The following GPR176 variants were observed in gnomAD, a reference collection of about 807,000 sequenced individuals.
GPR176 encodes the protein G-protein coupled receptor 176.
A neutral mutation model predicts 35.4 loss-of-function variants in GPR176; 26 were observed. The observed-to-expected ratio is 0.74, with a 90% CI of 0.54 to 1.02. The LOEUF is 1.02. Ranked by LOEUF, GPR176 falls within the 50% of genes least tolerant of loss-of-function variation. The probability of loss-of-function intolerance (pLI) is 0.00; values close to 1 mark genes in which losing one functional copy is unlikely to be tolerated. For missense variants in GPR176, 597 were observed against 665.3 expected (o/e 0.90, Z 1.13); for synonymous variants, 278 against 271.3 (o/e 1.02, Z -0.24).
chr15:39,821,382 T>C (rs1247579505), intron 1 of GPR176, among the ~76,000 whole-genome samples: 1 of 152,224 alleles, frequency 6.6e-6, no homozygotes, highest in East Asian at 1.9e-4. Flanking sequence ...TGACTCAATG[T>C]GGATGAAGCA....
At chr15:39,841,446 A>G (rs1595469882) in intron 1 of GPR176, among the ~76,000 whole-genome samples, 1 of 152,154 alleles carries the variant, frequency 6.6e-6, no homozygotes, top group East Asian at 1.9e-4. Context: ...CTAATCCAAT[A>G]TGACTGGTGT....
At chr15:39,913,981 C>G (rs2412450) in intron 1 of GPR176, among the ~76,000 whole-genome samples, 15,958 of 151,922 alleles carry the variant, frequency 0.11, 1,215 homozygotes, top group Admixed American at 0.24. Context: ...GGGAGGCGGA[C>G]CTCGCAGTGA....
chr15:39,842,141 G>A (rs140482865), intron 1 of GPR176, among the ~76,000 whole-genome samples: 57 of 152,242 alleles, frequency 3.7e-4, no homozygotes, highest in Middle Eastern at 3.4e-3. Flanking sequence ...CTGAGACTGG[G>A]TAATTTATAA....
chr15:39,815,372 C>G (rs757005547), intron 1 of GPR176: 2 of 152,264 alleles, frequency 1.3e-5, no homozygotes, highest in Non-Finnish European at 2.9e-5. Flanking sequence ...AGAATCACAT[C>G]AGATTGTCTC....
At chr15:39,842,044 G>A (rs776545423) in intron 1 of GPR176, among the ~76,000 whole-genome samples, 4 of 152,062 alleles carry the variant, frequency 2.6e-5, no homozygotes, top group Non-Finnish European at 5.9e-5. Flanking sequence ...TAGTCTGAAC[G>A]TCTGTGTCCC....
At chr15:39,825,898 C>T (rs1007283730) in intron 1 of GPR176, among the ~76,000 whole-genome samples, 1 of 152,148 alleles carries the variant, frequency 6.6e-6, no homozygotes, top group Non-Finnish European at 1.5e-5. Flanking sequence ...TTTCCAAATG[C>T]ATTACTATAA....
intron 1 of GPR176, among the ~76,000 whole-genome samples, chr15:39,893,731 G>T (rs1247481186): frequency 6.7e-6 from 1 of 148,954 alleles, no homozygotes; most frequent in African/African-American, 2.4e-5. Flanking sequence ...CCGGGCGGGG[G>T]GCTGACCCCC....
At position 39,824,457 on chromosome 15, in the gene GPR176, C is replaced by T. The variant is rs1900491363; in HGVS notation, c.173-17199G>A. Among the ~76,000 whole-genome samples, 5 of 152,356 alleles carry T rather than the reference C, an allele frequency of 3.3e-5. No homozygotes were observed. The South Asian group carries it at 1.0e-3, about 32-fold the overall frequency. On this transcript the variant is annotated intron_variant, in intron 1 of 2. Transcript: ENST00000561100. ...AAACCCTCCCTCACCACCAGAACCA[C>T]CAATGCACATCAGGCCTGCCTGGCT...
chr15:39,875,118 C>T (rs4924396), intron 1 of GPR176, among the ~76,000 whole-genome samples: 102,701 of 152,076 alleles, frequency 0.68, 35,563 homozygotes, highest in Non-Finnish European at 0.77. Flanking sequence ...AACAACAGAA[C>T]ATGGAGCCCA....
At chr15:39,875,808 A>G (rs2032220963) in intron 1 of GPR176, among the ~76,000 whole-genome samples, 1 of 152,044 alleles carries the variant, frequency 6.6e-6, no homozygotes, top group African/African-American at 2.4e-5. Context: ...TGCTTAACTC[A>G]AAGAAGTTTC....
intron 1 of GPR176, among the ~76,000 whole-genome samples, chr15:39,916,392 C>T (rs1030023039): frequency 1.3e-5 from 2 of 152,186 alleles, no homozygotes; most frequent in Admixed American, 1.3e-4. Flanking sequence ...CCCCAAAATA[C>T]ATATTATTTG....
At chr15:39,912,295 C>T (rs2033599110) in intron 1 of GPR176, among the ~76,000 whole-genome samples, 1 of 152,086 alleles carries the variant, frequency 6.6e-6, no homozygotes, top group Admixed American at 6.5e-5. Context: ...AATCTTCCAC[C>T]CAGCTAATGT....
chr15:39,902,250 C>A (rs1459559307), intron 1 of GPR176, among the ~76,000 whole-genome samples: 1 of 152,178 alleles, frequency 6.6e-6, no homozygotes, highest in African/African-American at 2.4e-5. Context: ...GGGTGATTTA[C>A]CAGCACTCAA....
intron 1 of GPR176, among the ~76,000 whole-genome samples, chr15:39,834,147 T>C (rs1269395410): frequency 2.0e-5 from 3 of 152,286 alleles, no homozygotes; most frequent in Admixed American, 1.3e-4. Context: ...TAGTCCCTAA[T>C]AACAAATCAC....
intron 1 of GPR176, among the ~76,000 whole-genome samples, chr15:39,878,847 T>C (rs1029334482): frequency 6.6e-6 from 1 of 152,230 alleles, no homozygotes; most frequent in African/African-American, 2.4e-5. Flanking sequence ...AAAAAGTAAA[T>C]GACCAGAGTG....
intron 1 of GPR176, among the ~76,000 whole-genome samples, chr15:39,825,182 A>G (rs1468220194): frequency 6.6e-6 from 1 of 152,246 alleles, no homozygotes; most frequent in Non-Finnish European, 1.5e-5. Flanking sequence ...AGTCTGGGCA[A>G]CAGAGTAAGA....
Position 39,919,980 on chromosome 15 carries a change from T to C in GPR176, c.47A>G (p.His16Arg). The change falls in exon 1 of 3, where the codon CAC (histidine) becomes CGC (arginine). Residue 16 changes from histidine to arginine, a missense_variant. This residue lies in a region of GPR176 where 126 missense variants were observed against 112.4 expected (regional missense o/e 1.12). Transcript: ENST00000561100. ...CGCAGCCTCGGCGCCGGACGCGTTG[T>C]GCGGCTCGCTGGCATTTGGAGAGAT... ...SWISPNASEP[H>R]NASGAEAAGV... 2 of 1,464,794 alleles carry C rather than the reference T, an allele frequency of 1.4e-6. No individual in the cohort carries two copies. The highest frequency in any genetic ancestry group is 2.9e-5 in the East Asian group (1 of 34,640). The allele number at this position is 1,464,794 out of a possible 1,614,324, so 90.7% of individuals were successfully genotyped here.
At chr15:39,850,418 A>G (rs1285956164) in intron 1 of GPR176, among the ~76,000 whole-genome samples, 1 of 152,218 alleles carries the variant, frequency 6.6e-6, no homozygotes, top group Non-Finnish European at 1.5e-5. Flanking sequence ...CAATTCAAGG[A>G]TATCCATTAC....
intron 1 of GPR176, among the ~76,000 whole-genome samples, chr15:39,863,209 G>A (rs1292783128): frequency 2.0e-5 from 3 of 151,868 alleles, no homozygotes; most frequent in Non-Finnish European, 4.4e-5. Context: ...CTCTGGAGTA[G>A]CTGGGACTAC....
Sources: gnomAD v4.1 joint callset for allele counts (sites outside exome capture counted in the v4.1 genomes callset) on GRCh38, gnomAD v4.1.1 for gene constraint, gnomAD v4.1.1 regional missense constraint, MANE v1.5 for transcripts, NCBI Gene and HGNC (gene_info 2026-07-23, HGNC 2026-07-21) for gene names.